PTHLH: variants seen among roughly 807,000 people sequenced by gnomAD.
PTHLH encodes the protein parathyroid hormone-related protein.
PTHLH carries 5 observed loss-of-function variants against 18.6 expected under a neutral mutation model. The observed-to-expected ratio is 0.27, with a 90% confidence interval of 0.14 to 0.56. The LOEUF is 0.56. Among genes scored for constraint, PTHLH ranks in the 20% least tolerant of loss-of-function variants. PTHLH has a pLI of 0.92. For missense variants in PTHLH, 207 were observed against 223.9 expected, an observed-to-expected ratio of 0.92 and a Z score of 0.48; for synonymous variants, 90 against 94.0, an observed-to-expected ratio of 0.96 and a Z score of 0.25.
chr12:27,971,006 G>T (rs1457641751), intron 2 of PTHLH, among the ~76,000 whole-genome samples: 1 of 152,012 alleles, frequency 6.6e-6, no homozygotes, highest in Non-Finnish European at 1.5e-5. Context: ...ATCTGGAGCC[G>T]GTCCCAAAAA....
intron 5 of PTHLH, among the ~76,000 whole-genome samples, chr12:27,961,137 C>G (rs550136113): frequency 1.3e-4 from 20 of 151,636 alleles, no homozygotes; most frequent in African/African-American, 3.9e-4. Flanking sequence ...TTCACTAGAC[C>G]TACTTTAACT....
At chr12:27,970,846 T>A (rs1420326375) in intron 2 of PTHLH, among the ~76,000 whole-genome samples, 1 of 152,178 alleles carries the variant, frequency 6.6e-6, no homozygotes, top group Admixed American at 6.5e-5. Flanking sequence ...GGGCGATGCA[T>A]GAGAACCTTC....
chr12:27,961,473 C>T (rs1251133630), intron 5 of PTHLH, among the ~76,000 whole-genome samples: 1 of 140,768 alleles, frequency 7.1e-6, no homozygotes, highest in Non-Finnish European at 1.5e-5. Context: ...TTACTATATA[C>T]ATATATGTTT....
chr12:27,968,322 T>C (rs768088720), intron 4 of PTHLH, among the ~76,000 whole-genome samples: 1 of 152,242 alleles, frequency 6.6e-6, no homozygotes, highest in Non-Finnish European at 1.5e-5. Flanking sequence ...AGTTGCCTTT[T>C]TGTACACCCT....
At position 27,963,494 on chromosome 12, in the gene PTHLH, C is replaced by G. The variant is rs1266130418; in HGVS notation, c.378G>C (p.Lys126Asn). ...CCTTGCGTTTCCCGGGCTTGCCTTTCTTTTTCTTCCCAGGTGTCTTGAGCG... is the reference window on the plus strand; with the variant it reads ...CCTTGCGTTTCCCGGGCTTGCCTTTGTTTTTCTTCCCAGGTGTCTTGAGCG... ...EQPLKTPGKK[K>N]KGKPGKRKEQ... Residue 126 changes from lysine (K) to asparagine (N), a missense_variant, in exon 5 of 6, where the codon AAG becomes AAC. Lys to Asn is a moderately conservative substitution (Grantham distance 94, BLOSUM62 0). Transcript: ENST00000545234. The G allele has an allele frequency of 1.2e-6, 2 of 1,614,174 alleles. No individual in the cohort carries two copies. The highest frequency in any genetic ancestry group is 1.7e-6 in the Non-Finnish European group (2 of 1,180,032).
intron 4 of PTHLH, chr12:27,969,086 C>A (rs1015062363): frequency 6.8e-5 from 26 of 380,138 alleles, no homozygotes; most frequent in African/African-American, 4.9e-4. Flanking sequence ...AACCACCACC[C>A]CCCAACTTTT....
Position 27,970,067 on chromosome 12 carries a change from C to T in PTHLH, c.-65G>A, listed in dbSNP as rs1463986593. On this transcript the variant is annotated 5_prime_UTR_variant, in exon 3 of 6. It adds an upstream start codon to the 5' untranslated region. Transcript: ENST00000545234. ...TTGCTTCCGGAAAGTTGATTCCACA[C>T]ACCCTGAGAACAAGTTTCAAGTGCG... The T allele has an allele frequency of 1.9e-6, 1 of 519,042 alleles. No homozygotes were observed. The highest frequency in any genetic ancestry group is 1.9e-5 in the Admixed American group (1 of 51,604). The allele number at this position is 519,042 out of a possible 1,614,324, so 32.2% of individuals were successfully genotyped here. A position where few individuals can be genotyped will look rare whatever the true frequency, so the allele number is the denominator to read the frequency against.
intron 4 of PTHLH, among the ~76,000 whole-genome samples, chr12:27,966,283 T>G (rs551368361): frequency 4.1e-4 from 62 of 152,354 alleles, no homozygotes; most frequent in African/African-American, 1.5e-3. Flanking sequence ...AATAGTACAT[T>G]GCTTACGAGG....
intron 3 of PTHLH, 136 bp from the exon 4 acceptor site, chr12:27,969,652 A>C (rs2062851141): frequency 3.5e-6 from 3 of 857,756 alleles, no homozygotes; most frequent in Non-Finnish European, 5.9e-6. Flanking sequence ...AAAAGAAAAA[A>C]AATTTCTCTG....
rs2120586831 is a variant in PTHLH at position 27,958,396 on chromosome 12, AT to A, written c.*162del. The A allele has an allele frequency of 1.8e-6, 1 of 551,076 alleles. No homozygotes were observed. The highest frequency in any genetic ancestry group is 3.4e-5 in the East Asian group (1 of 29,238). The allele number at this position is 551,076 out of a possible 1,614,324, so 34.1% of individuals were successfully genotyped here. On this transcript the variant is annotated 3_prime_UTR_variant, in exon 6 of 6. Transcript: ENST00000545234. ...TTGGATTAGCCTTGGCAAAAAAAAA[AT>A]ATTCACAATGACCAATGTGCAGTTT...
chr12:27,969,465 G>C lies in PTHLH; in HGVS notation c.30C>G (p.Ser10Arg), dbSNP rs1387290924. The change falls in exon 4 of 6, where the codon AGC becomes AGG. Residue 10 changes from serine to arginine, a missense_variant. Coordinates refer to ENST00000545234, the MANE Select transcript of PTHLH (RefSeq NM_198965.2). Reference protein sequence around the residue: MQRRLVQQWSVAVFLLSYAV... With the variant: MQRRLVQQWRVAVFLLSYAV... ...CGTAGCTCAGCAGGAACACCGCGAC[G>C]CTCCACTGCTGAACCAGTCTCCGCT... is the stretch of plus-strand genomic sequence containing the variant. 6.3e-7 allele frequency: 1 copy of C among 1,590,278 alleles called. No individual in the cohort carries two copies. The highest frequency in any genetic ancestry group is 8.5e-7 in the Non-Finnish European group (1 of 1,170,134).
chr12:27,962,976 G>T, intron 5 of PTHLH: 1 of 1,144,144 alleles, frequency 8.7e-7, no homozygotes, highest in Non-Finnish European at 1.1e-6. Flanking sequence ...ACTGAAGAAA[G>T]TTTGCCCAGG....
At chr12:27,967,221 C>G (rs1197516760) in intron 4 of PTHLH, among the ~76,000 whole-genome samples, 1 of 152,178 alleles carries the variant, frequency 6.6e-6, no homozygotes, top group Non-Finnish European at 1.5e-5. Flanking sequence ...CATCCATAGG[C>G]CTCACTTTCC....
At chr12:27,962,885 T>C in intron 5 of PTHLH, 7 of 1,003,508 alleles carry the variant, frequency 7.0e-6, no homozygotes, top group Non-Finnish European at 8.3e-6. Flanking sequence ...TATGACATGA[T>C]GCTGTTCTGC....
intron 4 of PTHLH, among the ~76,000 whole-genome samples, chr12:27,965,287 G>A (rs1043686923): frequency 6.6e-6 from 1 of 152,224 alleles, no homozygotes; most frequent in Non-Finnish European, 1.5e-5. Flanking sequence ...GGAAGCTGAA[G>A]CTGAAGTCCC....
At chr12:27,960,400 A>G (rs1165906505) in intron 5 of PTHLH, among the ~76,000 whole-genome samples, 1 of 152,174 alleles carries the variant, frequency 6.6e-6, no homozygotes, top group Admixed American at 6.5e-5. Context: ...AGGAAAATAG[A>G]CAATTTTACC....
intron 4 of PTHLH, among the ~76,000 whole-genome samples, chr12:27,968,654 TATC>T (rs1462591866): frequency 9.9e-5 from 15 of 152,218 alleles, no homozygotes; most frequent in African/African-American, 3.6e-4. Context: ...AAGTTGAAGT[TATC>T]ATTAAAAGAA....
intron 4 of PTHLH, among the ~76,000 whole-genome samples, chr12:27,964,462 G>C (rs1360016569): frequency 7.1e-6 from 1 of 141,434 alleles, no homozygotes; most frequent in South Asian, 2.4e-4. Flanking sequence ...ACATTTGAAG[G>C]CCAATCGTCA....
intron 5 of PTHLH, among the ~76,000 whole-genome samples, chr12:27,961,322 C>CGTGTATATATATATAT (rs576903290): frequency 4.9e-5 from 5 of 101,276 alleles, no homozygotes; most frequent in South Asian, 6.7e-4. Flanking sequence ...TATATATATA[C>CGTGTATATATATATAT]GTATATATAT....
Sources: allele counts gnomAD v4.1 joint callset (sites outside exome capture counted in the v4.1 genomes callset), GRCh38; gene constraint gnomAD v4.1.1; transcripts MANE v1.5; gene names NCBI Gene and HGNC (gene_info 2026-07-23, HGNC 2026-07-21).